MAP4: variants seen among roughly 807,000 people sequenced by gnomAD.
The protein encoded by MAP4 is microtubule-associated protein 4.
In MAP4, 76 loss-of-function variants were observed where a neutral mutation model predicts 170.2. The observed-to-expected ratio is 0.45, with a 90% confidence interval of 0.37 to 0.54. The LOEUF (loss-of-function observed/expected upper bound fraction) is 0.54. Among genes scored for constraint, MAP4 ranks in the 20% least tolerant of loss-of-function variants. The pLI is 0.00. For missense variants in MAP4, 2,506 were observed against 2,748.0 expected, an observed-to-expected ratio of 0.91 and a Z score of 1.97; for synonymous variants, 909 against 994.5, an observed-to-expected ratio of 0.91 and a Z score of 1.62.
In MAP4 at chr3:48,075,273, C is replaced by T. The variant is rs1446250726; in HGVS notation, c.-20+13500G>A. ...GGCACGGTGGCTCACACCTGTAATC[C>T]CAGAACTTTGGGAGGCCGAGTCAGG... is the stretch of plus-strand genomic sequence containing the variant. On this transcript the variant is annotated intron_variant, in intron 1 of 18. Coordinates refer to the MAP4 transcript ENST00000360240. Among the ~76,000 whole-genome samples, 7 of 152,196 alleles carry T rather than the reference C, an allele frequency of 4.6e-5. No homozygotes were observed. The East Asian group carries it at 1.3e-3, about 29-fold the overall frequency.
chr3:47,956,842 A>G (rs1335549454), intron 3 of MAP4, among the ~76,000 whole-genome samples: 2 of 152,230 alleles, frequency 1.3e-5, no homozygotes, highest in African/African-American at 4.8e-5. Context: ...CATGGACTCA[A>G]CAACATGATC....
At chr3:47,959,301 T>C (rs115895523) in intron 3 of MAP4, among the ~76,000 whole-genome samples, 1,582 of 151,766 alleles carry the variant, frequency 0.01, 27 homozygotes, top group African/African-American at 0.036. Context: ...CTACTAAAAA[T>C]ATAAAAATCA....
At chr3:48,073,427 G>A (rs1288511748) in intron 1 of MAP4, among the ~76,000 whole-genome samples, 1 of 151,460 alleles carries the variant, frequency 6.6e-6, no homozygotes. Flanking sequence ...GCCTGACCAA[G>A]ATGGAGAAAC....
intron 1 of MAP4, among the ~76,000 whole-genome samples, chr3:48,010,955 GAT>G (rs2100104934): frequency 6.6e-6 from 1 of 152,120 alleles, no homozygotes; most frequent in African/African-American, 2.4e-5. Context: ...GGGACCTTGT[GAT>G]CACGTAAATC....
chr3:48,088,255 C>T (rs1023768094), intron 1 of MAP4, among the ~76,000 whole-genome samples: 3 of 150,426 alleles, frequency 2.0e-5, no homozygotes, highest in Non-Finnish European at 4.4e-5. Flanking sequence ...GGGGCCTTTG[C>T]AAGGGGGAAG....
intron 1 of MAP4, among the ~76,000 whole-genome samples, chr3:48,060,106 A>G (rs990747466): frequency 6.6e-6 from 1 of 152,234 alleles, no homozygotes; most frequent in Non-Finnish European, 1.5e-5. Flanking sequence ...ACTCTGCAAC[A>G]AACAATAAAC....
intron 1 of MAP4, among the ~76,000 whole-genome samples, chr3:48,065,732 A>C (rs2100138009): frequency 6.6e-6 from 1 of 152,210 alleles, no homozygotes; most frequent in Non-Finnish European, 1.5e-5. Context: ...CAGTTTGAGG[A>C]AATAAAAAAC....
intron 1 of MAP4, among the ~76,000 whole-genome samples, chr3:48,022,318 CA>C (rs1305753978): frequency 6.6e-6 from 1 of 151,852 alleles, no homozygotes; most frequent in Non-Finnish European, 1.5e-5. Flanking sequence ...AAAAGAAAAG[CA>C]AAAAGAAGAT....
chr3:47,996,351 T>C (rs1204434349), intron 2 of MAP4, among the ~76,000 whole-genome samples: 1 of 151,992 alleles, frequency 6.6e-6, no homozygotes. Context: ...ACCCAAACCG[T>C]GAGATTAAGC....
chr3:47,919,614 G>A (rs867436762), intron 5 of MAP4, among the ~76,000 whole-genome samples: 1 of 152,106 alleles, frequency 6.6e-6, no homozygotes, highest in African/African-American at 2.4e-5. Context: ...GGCCGACAAC[G>A]CAAACAAGTT....
At chr3:47,968,700 A>T (rs1045761802) in intron 3 of MAP4, among the ~76,000 whole-genome samples, 5 of 152,144 alleles carry the variant, frequency 3.3e-5, no homozygotes, top group Non-Finnish European at 5.9e-5. Flanking sequence ...GAAAAATAGC[A>T]AACTAAACTC....
intron 1 of MAP4, among the ~76,000 whole-genome samples, chr3:48,075,883 G>A (rs1326636932): frequency 1.3e-5 from 2 of 150,692 alleles, no homozygotes; most frequent in Non-Finnish European, 3.0e-5. Context: ...GCTGAGGCAG[G>A]AGAATCGCTT....
chr3:47,989,755 C>T (rs2100091001), intron 2 of MAP4, among the ~76,000 whole-genome samples: 1 of 152,148 alleles, frequency 6.6e-6, no homozygotes, highest in Non-Finnish European at 1.5e-5. Context: ...ACATACTGGA[C>T]CCTAATCATA....
chr3:48,031,892 T>TACACAC lies in MAP4; in HGVS notation c.-19-33019_-19-33014dup, dbSNP rs139294227. Among the ~76,000 whole-genome samples, 12 of 147,434 alleles carry TACACAC rather than the reference T, an allele frequency of 8.1e-5. No homozygotes were observed. In the East Asian group the frequency reaches 1.4e-3, roughly 17 times the overall value. On this transcript the variant is annotated intron_variant, in intron 1 of 18. Coordinates refer to the MAP4 transcript ENST00000360240. ...CAAAACACACACATACACACACACATACACACACACACACACACAGACATA... is the reference window on the plus strand; with the variant it reads ...CAAAACACACACATACACACACACATACACACACACACACACACACACACAGACATA...
At chr3:47,865,444 T>C (rs2077649879) in intron 17 of MAP4, among the ~76,000 whole-genome samples, 1 of 151,974 alleles carries the variant, frequency 6.6e-6, no homozygotes, top group Non-Finnish European at 1.5e-5. Flanking sequence ...CACCCGAGTG[T>C]AAAGGATGCC....
intron 10 of MAP4, among the ~76,000 whole-genome samples, chr3:47,883,130 T>C (rs1338333361): frequency 1.1e-4 from 16 of 152,132 alleles, no homozygotes; most frequent in Admixed American, 9.8e-4. Flanking sequence ...GTCTTAAGTG[T>C]TTCCTCTTCA....
chr3:47,859,281 G>A (rs1390141604), intron 17 of MAP4, among the ~76,000 whole-genome samples: 1 of 152,226 alleles, frequency 6.6e-6, no homozygotes, highest in East Asian at 1.9e-4. Flanking sequence ...TCCATGCAGT[G>A]TTGCACCATT....
At chr3:48,077,370 C>A (rs1188289500) in intron 1 of MAP4, among the ~76,000 whole-genome samples, 3 of 150,304 alleles carry the variant, frequency 2.0e-5, no homozygotes, top group African/African-American at 7.4e-5. Flanking sequence ...CACTTGAACC[C>A]GGGAGGCGGA....
intron 4 of MAP4, among the ~76,000 whole-genome samples, chr3:47,925,138 C>G (rs2100045088): frequency 6.6e-6 from 1 of 152,144 alleles, no homozygotes; most frequent in South Asian, 2.1e-4. Flanking sequence ...GTAATTTAAT[C>G]TTAGAAATGA....
Sources: gnomAD v4.1 joint callset for allele counts (sites outside exome capture counted in the v4.1 genomes callset) on GRCh38, gnomAD v4.1.1 for gene constraint, MANE v1.5 for transcripts, NCBI Gene and HGNC (gene_info 2026-07-23, HGNC 2026-07-21) for gene names.